The following RALGAPA2 variants were observed in gnomAD, a reference collection of about 807,000 sequenced individuals.
RALGAPA2 encodes the protein ral GTPase-activating protein subunit alpha-2.
Under a neutral mutation model 230.4 loss-of-function variants are expected in RALGAPA2, and 139 were observed. The ratio of observed to expected loss-of-function variants is 0.60; its 90% confidence interval spans 0.53 to 0.69. The LOEUF (loss-of-function observed/expected upper bound fraction) is 0.69, where lower values mean the gene tolerates loss of function less well. Among genes scored for constraint, RALGAPA2 ranks in the 30% least tolerant of loss-of-function variants. RALGAPA2 has a pLI of 0.00. For missense variants in RALGAPA2, 2,163 were observed against 2,276.0 expected (o/e 0.95, Z 1.01); for synonymous variants, 847 against 837.8 (o/e 1.01, Z -0.19).
At chr20:20,486,938 C>T (rs186969250) in intron 36 of RALGAPA2, among the ~76,000 whole-genome samples, 219 of 152,280 alleles carry the variant, frequency 1.4e-3, no homozygotes, top group Non-Finnish European at 2.6e-3. Flanking sequence ...CTTGGAGTGC[C>T]TATCTCTCTA....
intron 36 of RALGAPA2, among the ~76,000 whole-genome samples, chr20:20,485,735 C>T (rs575919567): frequency 6.6e-6 from 1 of 152,314 alleles, no homozygotes; most frequent in Non-Finnish European, 1.5e-5. Context: ...CAATTCCTCC[C>T]TCCTATCCTT....
intron 3 of RALGAPA2, among the ~76,000 whole-genome samples, chr20:20,663,469 A>T (rs1002777570): frequency 1.3e-5 from 2 of 152,116 alleles, no homozygotes; most frequent in Non-Finnish European, 2.9e-5. Flanking sequence ...CTCAGCATAT[A>T]GTTTTTTTCT....
At chr20:20,531,926 G>A in intron 26 of RALGAPA2, 131 bp from the exon 27 acceptor site, 1 of 766,346 alleles carries the variant, frequency 1.3e-6, no homozygotes. Flanking sequence ...TTAGCAGAAT[G>A]TTTTCTTGAA....
intron 38 of RALGAPA2, among the ~76,000 whole-genome samples, chr20:20,410,719 A>C (rs936208002): frequency 6.6e-6 from 1 of 152,246 alleles, no homozygotes. Flanking sequence ...TTTTAATGTA[A>C]GAAACATTAA....
intron 4 of RALGAPA2, among the ~76,000 whole-genome samples, chr20:20,647,066 C>A (rs1319629999): frequency 1.3e-5 from 2 of 152,064 alleles, no homozygotes; most frequent in South Asian, 2.1e-4. Context: ...TTTTCAAAAT[C>A]TATTTCTTTG....
intron 4 of RALGAPA2, among the ~76,000 whole-genome samples, chr20:20,652,832 C>T (rs1243460756): frequency 6.6e-6 from 1 of 152,156 alleles, no homozygotes; most frequent in African/African-American, 2.4e-5. Context: ...CAAGTTTCCT[C>T]TCAATGCCAC....
intron 37 of RALGAPA2, among the ~76,000 whole-genome samples, chr20:20,469,828 A>G (rs1352716580): frequency 2.0e-5 from 3 of 152,192 alleles, no homozygotes; most frequent in Non-Finnish European, 4.4e-5. Flanking sequence ...CCCTCTAGGC[A>G]CAGGAATAGG....
chr20:20,582,161 A>AGC (rs559012669), intron 20 of RALGAPA2, among the ~76,000 whole-genome samples: 15 of 146,066 alleles, frequency 1.0e-4, no homozygotes, highest in Non-Finnish European at 1.8e-4. Flanking sequence ...AGTGTCACAC[A>AGC]GTGTGTGTGT....
intron 37 of RALGAPA2, among the ~76,000 whole-genome samples, chr20:20,464,291 C>T (rs537022242): frequency 2.6e-5 from 4 of 152,310 alleles, no homozygotes; most frequent in South Asian, 4.1e-4. Flanking sequence ...AGCCAAGGCC[C>T]GCCCGCTCCC....
At chr20:20,416,085 T>C (rs2060159371) in intron 37 of RALGAPA2, among the ~76,000 whole-genome samples, 1 of 152,178 alleles carries the variant, frequency 6.6e-6, no homozygotes, top group Admixed American at 6.5e-5. Flanking sequence ...CCAGCCTCAG[T>C]TGTCCTACTA....
rs1022127044 is a variant in RALGAPA2, at chr20:20,398,762, A to G, written c.5618-2028T>C. The stretch of plus-strand genomic sequence containing the variant: ...AACTGTCCTATCCCTTTGTCAAATG[A>G]GCAGCAGATATGTGCCAGGTACTGT... On this transcript the variant is annotated intron_variant, in intron 38 of 39. Coordinates refer to ENST00000202677, the MANE Select transcript of RALGAPA2 (RefSeq NM_020343.4). This position sits in a 1 kb window ranked among gnomAD's most constrained non-coding sequence, Gnocchi z 4.5. Among the ~76,000 whole-genome samples the G allele has an allele frequency of 6.6e-6, 1 of 152,150 alleles. No individual in the cohort carries two copies. The highest frequency in any genetic ancestry group is 1.5e-5 in the Non-Finnish European group (1 of 68,022).
rs1321067605 is a variant in RALGAPA2 at position 20,640,683 on chromosome 20, T to C, written c.550+18A>G. 1.5e-5 allele frequency: 24 copies of C among 1,589,298 alleles called. No homozygotes were observed. Among genetic ancestry groups the C allele is most frequent in the Non-Finnish European group, 1.7e-5 (20 of 1,163,848 alleles). ...TCAAGAGTAATTTCAACATGGGAGATCTGCTAACATAACTTACCATCAGCT... is the reference window on the plus strand; with the variant it reads ...TCAAGAGTAATTTCAACATGGGAGACCTGCTAACATAACTTACCATCAGCT... On this transcript the variant is annotated intron_variant, in intron 6 of 39. Transcript: ENST00000202677.
intron 14 of RALGAPA2, among the ~76,000 whole-genome samples, chr20:20,607,184 T>C (rs1363074130): frequency 1.3e-5 from 2 of 152,196 alleles, no homozygotes; most frequent in Non-Finnish European, 2.9e-5. Context: ...TTTAATGGAA[T>C]TTACTCTTTA....
chr20:20,703,844 AC>A (rs1472342303), intron 1 of RALGAPA2, among the ~76,000 whole-genome samples: 2 of 152,186 alleles, frequency 1.3e-5, no homozygotes, highest in Non-Finnish European at 2.9e-5. Context: ...ACTCTAGGGC[AC>A]ATGTTCATTG....
chr20:20,528,207 G>A (rs1448998477), intron 27 of RALGAPA2, among the ~76,000 whole-genome samples: 1 of 152,196 alleles, frequency 6.6e-6, no homozygotes, highest in East Asian at 1.9e-4. Context: ...GGGAATGGTG[G>A]AGATGAAATA....
At chr20:20,587,969 A>G (rs1382446578) in intron 18 of RALGAPA2, among the ~76,000 whole-genome samples, 1 of 152,180 alleles carries the variant, frequency 6.6e-6, no homozygotes, top group Non-Finnish European at 1.5e-5. Context: ...AAATGAAAAA[A>G]TCTGATAATA....
At chr20:20,696,044 A>G (rs1179826872) in intron 1 of RALGAPA2, among the ~76,000 whole-genome samples, 1 of 152,128 alleles carries the variant, frequency 6.6e-6, no homozygotes, top group African/African-American at 2.4e-5. Flanking sequence ...TTTGGGGATA[A>G]CAGCAAGCCC....
chr20:20,402,630 G>A (rs2059869728), intron 38 of RALGAPA2, among the ~76,000 whole-genome samples: 1 of 152,218 alleles, frequency 6.6e-6, no homozygotes, highest in African/African-American at 2.4e-5. Flanking sequence ...TGTTCAGGCA[G>A]AACACCTATT....
chr20:20,521,706 T>C (rs2067590927), intron 30 of RALGAPA2, among the ~76,000 whole-genome samples: 1 of 152,226 alleles, frequency 6.6e-6, no homozygotes, highest in Non-Finnish European at 1.5e-5. Context: ...ATCTTGAATA[T>C]GCCAAAATGC....
Sources: allele counts gnomAD v4.1 joint callset (sites outside exome capture counted in the v4.1 genomes callset), GRCh38; gene constraint gnomAD v4.1.1; non-coding constraint Gnocchi (gnomAD v3.1); transcripts MANE v1.5; gene names NCBI Gene and HGNC (gene_info 2026-07-23, HGNC 2026-07-21).